Variants in CSMD1 observed in about 807,000 individuals in gnomAD.
The protein encoded by CSMD1 is CUB and sushi domain-containing protein 1.
CSMD1 carries 213 observed loss-of-function variants against 417.5 expected under a neutral mutation model. That is an observed-to-expected ratio of 0.51 (90% CI 0.46 to 0.57). CSMD1 has a LOEUF of 0.57. Ranked by LOEUF, CSMD1 falls within the 20% of genes least tolerant of loss-of-function variation. CSMD1 has a pLI of 0.00. For synonymous variants in CSMD1, 2,862 were observed against 1,736.8 expected (o/e 1.65, Z -16.11); for missense variants, 6,923 against 4,529.7 (o/e 1.53, Z -15.17).
Position 4,141,102 on chromosome 8 carries a change from T to C in CSMD1, c.416-109003A>G, listed in dbSNP as rs980674796. ...TCTACAAACTTCCCATTTTCAGATC[T>C]CATAGGTCTCACTTACCTATGTTTC... On this transcript the variant is annotated intron_variant, in intron 3 of 69. Coordinates refer to ENST00000635120, the MANE Select transcript of CSMD1 (RefSeq NM_033225.6). Among the ~76,000 whole-genome samples the C allele has an allele frequency of 3.6e-4, 54 of 151,268 alleles. 3 individuals carry two copies. Among genetic ancestry groups the C allele is most frequent in the African/African-American group, 1.0e-3 (42 of 40,540 alleles).
intron 3 of CSMD1, among the ~76,000 whole-genome samples, chr8:4,319,768 G>A (rs547124529): frequency 2.6e-5 from 4 of 152,156 alleles, no homozygotes; most frequent in East Asian, 1.9e-4. Flanking sequence ...TAGAGTTGCC[G>A]GGCAAAATAC....
chr8:4,710,275 T>G (rs1327137202), intron 1 of CSMD1, among the ~76,000 whole-genome samples: 1 of 151,760 alleles, frequency 6.6e-6, no homozygotes, highest in Non-Finnish European at 1.5e-5. Context: ...TATATACATT[T>G]GCATGTTAAA....
chr8:3,691,196 G>A (rs1283988571), intron 7 of CSMD1, among the ~76,000 whole-genome samples: 1 of 151,788 alleles, frequency 6.6e-6, no homozygotes. Context: ...GTGAAACCAC[G>A]TCTCTACAAA....
intron 1 of CSMD1, among the ~76,000 whole-genome samples, chr8:4,966,813 T>G (rs4278171): frequency 0.68 from 103,208 of 152,018 alleles, 35,706 homozygotes; most frequent in Middle Eastern, 0.8. Flanking sequence ...AAGAATTTAT[T>G]GCATGCTGTC....
At chr8:3,764,870 C>A (rs1798188413) in intron 5 of CSMD1, among the ~76,000 whole-genome samples, 2 of 151,806 alleles carry the variant, frequency 1.3e-5, no homozygotes, top group Admixed American at 1.3e-4. Flanking sequence ...CCTCAGCCTC[C>A]CAAGTAGTTG....
intron 2 of CSMD1, among the ~76,000 whole-genome samples, chr8:4,598,725 G>T (rs528410385): frequency 6.6e-6 from 1 of 152,160 alleles, no homozygotes; most frequent in African/African-American, 2.4e-5. Flanking sequence ...GTGGGTACTG[G>T]TACTCAGTTT....
chr8:4,094,499 C>T (rs190555150), intron 3 of CSMD1, among the ~76,000 whole-genome samples: 351 of 152,274 alleles, frequency 2.3e-3, no homozygotes, highest in African/African-American at 7.8e-3. Flanking sequence ...GGAGCAACCA[C>T]GCAGGGTGGA....
chr8:4,142,505 G>A (rs1326338632), intron 3 of CSMD1, among the ~76,000 whole-genome samples: 1 of 151,190 alleles, frequency 6.6e-6, no homozygotes, highest in Admixed American at 6.6e-5. Context: ...CGTGAAAAAG[G>A]AGCTGTTCTA....
At chr8:3,533,706 G>A (rs556127236) in intron 10 of CSMD1, among the ~76,000 whole-genome samples, 9 of 152,088 alleles carry the variant, frequency 5.9e-5, no homozygotes, top group African/African-American at 2.2e-4. Context: ...TGCCTCCACC[G>A]TGATGTATCA....
chr8:3,165,856 TGA>T (rs1820177775), intron 37 of CSMD1, among the ~76,000 whole-genome samples: 2 of 152,082 alleles, frequency 1.3e-5, no homozygotes, highest in Admixed American at 1.3e-4. Flanking sequence ...TGAAACCTTC[TGA>T]GAGAGAAATC....
At chr8:4,015,982 CACCA>C (rs1254308981) in intron 4 of CSMD1, among the ~76,000 whole-genome samples, 1 of 152,186 alleles carries the variant, frequency 6.6e-6, no homozygotes, top group Non-Finnish European at 1.5e-5. Flanking sequence ...TGTAGAAAAG[CACCA>C]AGTCAGAGCT....
At position 3,367,156 on chromosome 8, in the gene CSMD1, G is replaced by A. The variant is rs1362253685; in HGVS notation, c.2991C>T (p.Ala997=). The change falls in exon 20 of 70, where the codon GCC becomes GCT. Residue 997 remains alanine (A), a synonymous_variant. Coordinates refer to ENST00000635120, the MANE Select transcript of CSMD1 (RefSeq NM_033225.6). The part of the protein sequence containing the change: ...TEDGSFSEPV[A]RLTGSVLPHT... ...GAGGCAACACCGACCCGGTGAGCCT[G>A]GCAACGGGCTCGGAAAAACTTCCAT... 6.2e-7 allele frequency: 1 copy of A among 1,613,660 alleles called. No homozygotes were observed. Among genetic ancestry groups the A allele is most frequent in the Non-Finnish European group, 8.5e-7 (1 of 1,179,746 alleles).
chr8:3,679,629 G>C (rs907497344), intron 7 of CSMD1, among the ~76,000 whole-genome samples: 1 of 152,006 alleles, frequency 6.6e-6, no homozygotes, highest in Non-Finnish European at 1.5e-5. Flanking sequence ...AGATCAACAA[G>C]ACAGCAAGTT....
chr8:4,916,156 G>A (rs1563756344), intron 1 of CSMD1, among the ~76,000 whole-genome samples: 1 of 152,206 alleles, frequency 6.6e-6, no homozygotes, highest in Non-Finnish European at 1.5e-5. Context: ...GCATAAAAAT[G>A]TTTTTATAAA....
At chr8:3,474,807 A>G (rs546455419) in intron 11 of CSMD1, among the ~76,000 whole-genome samples, 19 of 152,228 alleles carry the variant, frequency 1.2e-4, no homozygotes, top group African/African-American at 4.6e-4. Flanking sequence ...ACACAGCTCA[A>G]TTTTTCCCCA....
intron 5 of CSMD1, among the ~76,000 whole-genome samples, chr8:3,989,764 C>A (rs1457592089): frequency 1.3e-5 from 2 of 152,116 alleles, no homozygotes; most frequent in Non-Finnish European, 2.9e-5. Flanking sequence ...TGTTCTAGGC[C>A]ACTACTCATT....
chr8:4,390,760 C>T (rs550941475), intron 3 of CSMD1, among the ~76,000 whole-genome samples: 1 of 152,030 alleles, frequency 6.6e-6, no homozygotes, highest in Non-Finnish European at 1.5e-5. Context: ...TCAGGATGGT[C>T]TCAATCTTCT....
At chr8:4,524,634 A>G (rs1377905621) in intron 2 of CSMD1, among the ~76,000 whole-genome samples, 1 of 144,710 alleles carries the variant, frequency 6.9e-6, no homozygotes, top group Non-Finnish European at 1.5e-5. Context: ...TATTTATTAC[A>G]TATAGTGAGT....
chr8:3,364,591 C>T (rs1433624951), intron 20 of CSMD1, among the ~76,000 whole-genome samples: 1 of 152,122 alleles, frequency 6.6e-6, no homozygotes, highest in African/African-American at 2.4e-5. Context: ...AATTTGATCC[C>T]CTTTTTGGGA....
Sources: allele counts gnomAD v4.1 joint callset (sites outside exome capture counted in the v4.1 genomes callset), GRCh38; gene constraint gnomAD v4.1.1; transcripts MANE v1.5; gene names NCBI Gene and HGNC (gene_info 2026-07-23, HGNC 2026-07-21).